The following RPGRIP1 variants were observed in gnomAD, a reference collection of about 807,000 sequenced individuals.
RPGRIP1 encodes X-linked retinitis pigmentosa GTPase regulator-interacting protein 1.
A neutral mutation model predicts 157.9 loss-of-function variants in RPGRIP1; 128 were observed. That is an observed-to-expected ratio of 0.81 (90% CI 0.70 to 0.94). The LOEUF is 0.94. Ranked by LOEUF, RPGRIP1 falls within the 40% of genes least tolerant of loss-of-function variation. The pLI is 0.00. For missense variants in RPGRIP1, 1,486 were observed against 1,545.8 expected (o/e 0.96, Z 0.65); for synonymous variants, 554 against 571.6 (o/e 0.97, Z 0.44).
chr14:21,301,105 C>A lies in RPGRIP1; in HGVS notation c.358C>A (p.Gln120Lys). 6.2e-7 allele frequency: 1 copy of A among 1,610,962 alleles called. No homozygotes were observed. Among genetic ancestry groups the A allele is most frequent in the Non-Finnish European group, 8.5e-7 (1 of 1,178,576 alleles). The change falls in exon 4 of 25, where the codon CAG becomes AAG. Residue 120 changes from glutamine to lysine, a missense_variant. Coordinates refer to ENST00000400017, the MANE Select transcript of RPGRIP1 (RefSeq NM_020366.4). ...RQRLSMHQRP[Q>K]MHRLQGHFHC... ...GCGCCTCTCCATGCACCAGCGCCCC[C>A]AGATGCACCGACTGCAAGGGCATTT...
intron 18 of RPGRIP1, 35 bp downstream of exon 18, chr14:21,327,842 T>G: frequency 6.3e-5 from 91 of 1,453,312 alleles, no homozygotes; most frequent in Non-Finnish European, 7.9e-5. Flanking sequence ...AGCAGATCTC[T>G]GCCAATCCTA....
chr14:21,282,585 C>T (rs998088689), intron 1 of RPGRIP1, among the ~76,000 whole-genome samples: 1 of 149,186 alleles, frequency 6.7e-6, no homozygotes, highest in African/African-American at 2.5e-5. Context: ...ATTGATAAAC[C>T]CTTTTAGAAT....
intron 1 of RPGRIP1, among the ~76,000 whole-genome samples, chr14:21,286,301 T>A (rs1244137837): frequency 6.6e-6 from 1 of 151,836 alleles, no homozygotes; most frequent in Non-Finnish European, 1.5e-5. Context: ...GATACATGTT[T>A]TAAAGGAAGA....
rs8019122 is a variant in RPGRIP1, at chr14:21,297,513, G to T, written c.218+2704G>T. 2.0e-3 allele frequency among the ~76,000 whole-genome samples: 297 copies of T among 152,298 alleles called. 2 individuals carry two copies. The highest frequency in any genetic ancestry group is 3.2e-3 in the Non-Finnish European group (221 of 68,034). ...AGACGGAGGTGAGGGAAGGTAAACA[G>T]ATGGGAAGAATGGGAGTTCTCAAAG... On this transcript the variant is annotated intron_variant, in intron 3 of 24. Coordinates refer to ENST00000400017, the MANE Select transcript of RPGRIP1 (RefSeq NM_020366.4).
intron 2 of RPGRIP1, among the ~76,000 whole-genome samples, chr14:21,288,640 G>C (rs1880395596): frequency 6.6e-6 from 1 of 151,286 alleles, no homozygotes; most frequent in East Asian, 2.0e-4. Flanking sequence ...TCAGACTCCT[G>C]AGTAGCTGGG....
chr14:21,313,017 G>A (rs1881604022), intron 10 of RPGRIP1, among the ~76,000 whole-genome samples: 1 of 151,374 alleles, frequency 6.6e-6, no homozygotes, highest in South Asian at 2.1e-4. Context: ...CTATTTTTTT[G>A]TAGAGACAGG....
chr14:21,317,783 G>A lies in RPGRIP1; in HGVS notation c.1239G>A (p.Leu413=). 6.2e-7 allele frequency: 1 copy of A among 1,602,272 alleles called. No individual in the cohort carries two copies. Among genetic ancestry groups the A allele is most frequent in the Non-Finnish European group, 8.5e-7 (1 of 1,174,430 alleles). Residue 413 remains leucine, a synonymous_variant, in exon 11 of 25, where the codon CTG becomes CTA. Coordinates refer to ENST00000400017, the MANE Select transcript of RPGRIP1 (RefSeq NM_020366.4). The stretch of plus-strand genomic sequence containing the variant: ...AGCTACAGCAGCAAGTCTCTCAGCT[G>A]CAGGATCAGCTGGATGCTGAGCTGG... ...AEQLQQQVSQ[L]QDQLDAELED...
At chr14:21,330,686 A>G (rs972624288) in intron 20 of RPGRIP1, among the ~76,000 whole-genome samples, 44 of 152,104 alleles carry the variant, frequency 2.9e-4, no homozygotes, top group African/African-American at 9.9e-4. Flanking sequence ...AGAAAAAAAT[A>G]TATATTTTTT....
intron 19 of RPGRIP1, among the ~76,000 whole-genome samples, chr14:21,329,691 G>A (rs1305485490): frequency 2.7e-5 from 4 of 150,844 alleles, no homozygotes; most frequent in Admixed American, 1.3e-4. Flanking sequence ...TAGTAGAGAC[G>A]AGGTTTCACC....
intron 1 of RPGRIP1, among the ~76,000 whole-genome samples, chr14:21,286,805 C>G (rs1376668578): frequency 6.6e-6 from 1 of 151,832 alleles, no homozygotes; most frequent in East Asian, 1.9e-4. Flanking sequence ...CAAAATTGTA[C>G]AAATCTGAAG....
intron 3 of RPGRIP1, among the ~76,000 whole-genome samples, chr14:21,296,512 C>A (rs952155391): frequency 6.6e-6 from 1 of 151,422 alleles, no homozygotes; most frequent in African/African-American, 2.4e-5. Flanking sequence ...ACACGCCAGG[C>A]CTTAATATTT....
At position 21,321,339 on chromosome 14, in the gene RPGRIP1, A is replaced by G. The variant is rs779156756; in HGVS notation, c.1548A>G (p.Thr516=). 1.2e-5 allele frequency: 20 copies of G among 1,613,978 alleles called. No individual in the cohort carries two copies. Among genetic ancestry groups the G allele is most frequent in the Non-Finnish European group, 1.7e-6 (2 of 1,179,872 alleles). The change falls in exon 13 of 25, where the codon ACA becomes ACG. Residue 516 remains threonine (T), a synonymous_variant. Transcript: ENST00000400017. ...NELQVSHAET[T]LELEKTRDML... ...TGCAAGTATCACACGCAGAGACCAC[A>G]TTGGAACTAGAAAAGACCAGGGACA... is the stretch of plus-strand genomic sequence containing the variant.
chr14:21,317,738 C>A lies in RPGRIP1; in HGVS notation c.1194C>A (p.Ser398Arg), dbSNP rs1361087931. The change falls in exon 11 of 25, where the codon AGC (serine) becomes AGA (arginine). Residue 398 changes from serine (S) to arginine (R), a missense_variant. By Grantham distance (110) the Ser-to-Arg change is moderately radical. Transcript: ENST00000400017. ...SSDSSSQPHW[S>R]NELIAEQLQQ... ...ACAGCTCCAGTCAGCCCCACTGGAGCAACGAGCTCATAGCGGAACAGCTAC... is the reference window on the plus strand; with the variant it reads ...ACAGCTCCAGTCAGCCCCACTGGAGAAACGAGCTCATAGCGGAACAGCTAC... 1 of 1,590,546 alleles carries A rather than the reference C, an allele frequency of 6.3e-7. No individual in the cohort carries two copies. Among genetic ancestry groups the A allele is most frequent in the Non-Finnish European group, 8.6e-7 (1 of 1,168,498 alleles).
chr14:21,313,626 A>G (rs1029770793), intron 10 of RPGRIP1, among the ~76,000 whole-genome samples: 2 of 151,974 alleles, frequency 1.3e-5, no homozygotes, highest in Non-Finnish European at 2.9e-5. Flanking sequence ...TGTGTCTACT[A>G]AAAATACAAA....
chr14:21,317,693 C>T lies in RPGRIP1; in HGVS notation c.1152-3C>T. On this transcript the variant is annotated splice_region_variant and splice_polypyrimidine_tract_variant and intron_variant, in intron 10 of 24. Coordinates refer to ENST00000400017, the MANE Select transcript of RPGRIP1 (RefSeq NM_020366.4). ...CATCTGAGAGCTTGCTTTCCATTGC[C>T]AGCATGCTGGACAGCAGTGACAGCT... 6.3e-7 allele frequency: 1 copy of T among 1,580,640 alleles called. No individual in the cohort carries two copies. Among genetic ancestry groups the T allele is most frequent in the Non-Finnish European group, 8.6e-7 (1 of 1,163,006 alleles).
chr14:21,304,604 T>C (rs920772871), intron 6 of RPGRIP1, among the ~76,000 whole-genome samples: 1 of 152,004 alleles, frequency 6.6e-6, no homozygotes, highest in Non-Finnish European at 1.5e-5. Context: ...TTCAGACAAG[T>C]TTTAGTTTTA....
chr14:21,300,845 G>A (rs1183279856), intron 3 of RPGRIP1, 121 bp from the exon 4 acceptor site: 4 of 1,171,276 alleles, frequency 3.4e-6, no homozygotes, highest in Admixed American at 4.7e-5. Context: ...TTAAAGTGTG[G>A]TTAATAGATC....
In RPGRIP1 at chr14:21,297,837, C is replaced by T. The variant is rs72678671; in HGVS notation, c.218+3028C>T. Among the ~76,000 whole-genome samples, 450 of 96,592 alleles carry T rather than the reference C, an allele frequency of 4.7e-3. 1 individual carries two copies. Among genetic ancestry groups the T allele is most frequent in the African/African-American group, 0.012 (378 of 31,620 alleles). 63.4% of individuals were successfully genotyped at this position (96,592 alleles called of 152,430 possible). ...TGTTTCGGTATCTCAATAAATTATTCTTTCTTTCTTTCTTTCTTTCTTTCT... is the reference window on the plus strand; with the variant it reads ...TGTTTCGGTATCTCAATAAATTATTTTTTCTTTCTTTCTTTCTTTCTTTCT... On this transcript the variant is annotated intron_variant, in intron 3 of 24. Transcript: ENST00000400017.
chr14:21,320,592 AC>A (rs1472119321), intron 12 of RPGRIP1, among the ~76,000 whole-genome samples: 1 of 84,112 alleles, frequency 1.2e-5, no homozygotes, highest in Non-Finnish European at 2.3e-5. Context: ...CGCCCGGCCC[AC>A]TCTTTTTTTT....
Sources: gnomAD v4.1 joint callset for allele counts (sites outside exome capture counted in the v4.1 genomes callset) on GRCh38, gnomAD v4.1.1 for gene constraint, MANE v1.5 for transcripts, NCBI Gene and HGNC (gene_info 2026-07-23, HGNC 2026-07-21) for gene names.